Variants in DST observed in about 807,000 individuals in gnomAD.
DST encodes dystonin.
A neutral mutation model predicts 875.2 loss-of-function variants in DST; 253 were observed. The observed-to-expected ratio is 0.29, with a 90% CI of 0.26 to 0.32. DST has a LOEUF of 0.32. Ranked by LOEUF, DST falls within the 10% of genes least tolerant of loss-of-function variation. The pLI is 1.00. For missense variants in DST, 8,287 were observed against 9,111.6 expected (o/e 0.91, Z 3.68); for synonymous variants, 3,124 against 3,197.1 (o/e 0.98, Z 0.77).
intron 3 of DST, among the ~76,000 whole-genome samples, chr6:56,881,065 G>A (rs1434393234): frequency 2.0e-5 from 3 of 151,596 alleles, no homozygotes; most frequent in Non-Finnish European, 4.4e-5. Flanking sequence ...TAGCCAGGAT[G>A]GTCTCGATCT....
intron 9 of DST, among the ~76,000 whole-genome samples, chr6:56,685,831 T>C (rs904531363): frequency 1.3e-5 from 2 of 152,194 alleles, no homozygotes; most frequent in Non-Finnish European, 2.9e-5. Flanking sequence ...GGGATGCTTA[T>C]ACACTGTTAG....
At chr6:56,874,255 C>T (rs1778688499) in intron 3 of DST, among the ~76,000 whole-genome samples, 2 of 152,336 alleles carry the variant, frequency 1.3e-5, no homozygotes, top group South Asian at 2.1e-4. Flanking sequence ...GAGAGGATCA[C>T]TTGAGCCCCG....
chr6:56,514,061 C>G (rs2096540117), intron 72 of DST, among the ~76,000 whole-genome samples: 1 of 152,186 alleles, frequency 6.6e-6, no homozygotes, highest in Non-Finnish European at 1.5e-5. Context: ...TTGTACCTCC[C>G]TTTATACAGA....
At chr6:56,904,814 C>T (rs1334275853) in intron 2 of DST, among the ~76,000 whole-genome samples, 2 of 152,128 alleles carry the variant, frequency 1.3e-5, no homozygotes, top group African/African-American at 4.8e-5. Flanking sequence ...CTTTTGAGAC[C>T]GAGTCTAGCT....
intron 4 of DST, among the ~76,000 whole-genome samples, chr6:56,782,025 T>A (rs1335885738): frequency 1.3e-5 from 2 of 152,146 alleles, no homozygotes; most frequent in Non-Finnish European, 2.9e-5. Flanking sequence ...TGCATTACAT[T>A]TATTGATTTG....
At chr6:56,504,689 T>A (rs1321489660) in intron 77 of DST, among the ~76,000 whole-genome samples, 2 of 152,156 alleles carry the variant, frequency 1.3e-5, no homozygotes, top group Admixed American at 1.3e-4. Context: ...ACATTTTTTT[T>A]AGGTACTGAA....
At chr6:56,914,429 A>T (rs1799992606) in intron 2 of DST, among the ~76,000 whole-genome samples, 1 of 152,188 alleles carries the variant, frequency 6.6e-6, no homozygotes, top group Admixed American at 6.5e-5. Flanking sequence ...TAGCTGTCAC[A>T]TCCCGTCCCC....
At chr6:56,837,895 C>A (rs1053791826) in intron 4 of DST, among the ~76,000 whole-genome samples, 4 of 126,260 alleles carry the variant, frequency 3.2e-5, no homozygotes, top group Admixed American at 7.6e-5. Context: ...AAAACAAAAG[C>A]AAACAAAATT....
chr6:56,689,769 A>C (rs1385246711), intron 9 of DST, among the ~76,000 whole-genome samples: 1 of 152,188 alleles, frequency 6.6e-6, no homozygotes, highest in Non-Finnish European at 1.5e-5. Flanking sequence ...TGACTCTTAC[A>C]TGTATATGGC....
rs763138972 is a variant in DST at position 56,900,404 on chromosome 6, G to C, written c.417+17C>G. On this transcript the variant is annotated intron_variant, in intron 3 of 103. Transcript: ENST00000680361. ...CAGTGAATTTAATATTTTTATAAAA[G>C]ACAGTTCTCTACTTACAGGCCTCCT... 2 of 1,356,778 alleles carry C rather than the reference G, an allele frequency of 1.5e-6. No homozygotes were observed. Among genetic ancestry groups the C allele is most frequent in the Non-Finnish European group, 2.0e-6 (2 of 1,016,840 alleles). The allele number at this position is 1,356,778 out of a possible 1,614,324, so 84.0% of individuals were successfully genotyped here.
intron 3 of DST, among the ~76,000 whole-genome samples, chr6:56,889,369 C>G (rs1231474154): frequency 1.3e-5 from 2 of 152,166 alleles, no homozygotes; most frequent in Non-Finnish European, 2.9e-5. Flanking sequence ...GAGGATCACC[C>G]AATCACCTGT....
At chr6:56,635,497 G>T in intron 24 of DST, 92 bp downstream of exon 24, 1 of 1,274,736 alleles carries the variant, frequency 7.8e-7, no homozygotes, top group Admixed American at 1.9e-5. Context: ...GAAATATCAA[G>T]AGTGCCAATA....
chr6:56,872,616 G>T (rs73457789), intron 3 of DST, among the ~76,000 whole-genome samples: 2,740 of 152,242 alleles, frequency 0.018, 81 homozygotes, highest in African/African-American at 0.063. Context: ...AGAGAATGAT[G>T]AAATGTGTTT....
At position 56,555,779 on chromosome 6, in the gene DST, T is replaced by A; in HGVS notation, c.14702A>T (p.Gln4901Leu). ...TTCTCCAGGCCTGCTCAGAATGCCC[T>A]GACCAGCTGCTGTCAGCTGTTCATA... ...PQYEQLTAAG[Q>L]GILSRPGEDP... Residue 4901 changes from glutamine to leucine, a missense_variant, in exon 60 of 104, where the codon CAG becomes CTG. Physicochemically the swap from Gln to Leu is moderately radical, Grantham distance 113. This residue lies in a region of DST where 1,513 missense variants were observed against 1,677.8 expected (regional missense o/e 0.90). Coordinates refer to ENST00000680361, the MANE Select transcript of DST (RefSeq NM_001374736.1). The A allele has an allele frequency of 6.4e-7, 1 of 1,572,222 alleles. No homozygotes were observed. Among genetic ancestry groups the A allele is most frequent in the East Asian group, 2.3e-5 (1 of 44,158 alleles).
Position 56,459,286 on chromosome 6 carries a change from G to A in DST, c.23195-19C>T. 2.5e-6 allele frequency: 4 copies of A among 1,607,234 alleles called. No homozygotes were observed. Among genetic ancestry groups the A allele is most frequent in the Non-Finnish European group, 3.4e-6 (4 of 1,176,268 alleles). On this transcript the variant is annotated intron_variant, in intron 103 of 103. Transcript: ENST00000680361. The stretch of plus-strand genomic sequence containing the variant: ...TTGGAATCTGAGGAAAGAAGGTAGA[G>A]ACAGCTCACCCTTATTATTGGGTCC...
In DST at chr6:56,485,353, C is replaced by T; in HGVS notation, c.21166G>A (p.Gly7056Arg). The change falls in exon 88 of 104, where the codon GGA becomes AGA. Residue 7056 changes from glycine to arginine, a missense_variant. By Grantham distance (125) the Gly-to-Arg change is moderately radical. Transcript: ENST00000680361. ...PQLAEDQPVHGDIDLVMNLID... is the reference protein window; with the variant it reads ...PQLAEDQPVHRDIDLVMNLID... ...AGATTCATCACCAAATCAATGTCTC[C>T]ATGAACAGGCTGGTCTTCTGCCAGC... The T allele has an allele frequency of 6.2e-7, 1 of 1,613,884 alleles. No individual in the cohort carries two copies. The highest frequency in any genetic ancestry group is 8.5e-7 in the Non-Finnish European group (1 of 1,179,836).
intron 8 of DST, among the ~76,000 whole-genome samples, chr6:56,700,756 T>C (rs2099297906): frequency 6.6e-6 from 1 of 152,250 alleles, no homozygotes; most frequent in African/African-American, 2.4e-5. Flanking sequence ...TTTTACTTCT[T>C]GGACAAAATG....
chr6:56,615,888 T>A, intron 36 of DST: 2 of 1,614,188 alleles, frequency 1.2e-6, no homozygotes, highest in Non-Finnish European at 1.7e-6. Context: ...GGATGGCCAA[T>A]CCCTGTGATT....
In DST at chr6:56,650,936, A is replaced by G; in HGVS notation, c.1424T>C (p.Ile475Thr). The stretch of plus-strand genomic sequence containing the variant: ...AAAATCAATACTCACATTTGCACCA[A>G]TGCCTTCCCCACCTTCAGGGACTTT... ...FPKVPEGGEGIGANDVEVKWI... is the reference protein window; with the variant it reads ...FPKVPEGGEGTGANDVEVKWI... The change falls in exon 12 of 104, where the codon ATT becomes ACT. Residue 475 changes from isoleucine (I) to threonine (T), a missense_variant. Ile to Thr is a moderately conservative substitution (Grantham distance 89, BLOSUM62 -1). Around this residue, in one of 10 missense-constraint regions of DST, gnomAD observed 1,160 missense variants for 1,424.3 expected, o/e 0.81. Coordinates refer to ENST00000680361, the MANE Select transcript of DST (RefSeq NM_001374736.1). 1.2e-6 allele frequency: 2 copies of G among 1,608,942 alleles called. No homozygotes were observed. Among genetic ancestry groups the G allele is most frequent in the Non-Finnish European group, 1.7e-6 (2 of 1,175,848 alleles).
Sources: gnomAD v4.1 joint callset for allele counts (sites outside exome capture counted in the v4.1 genomes callset) on GRCh38, gnomAD v4.1.1 for gene constraint, gnomAD v4.1.1 regional missense constraint, MANE v1.5 for transcripts, NCBI Gene and HGNC (gene_info 2026-07-23, HGNC 2026-07-21) for gene names.